Variants in ABRAXAS2 observed in about 807,000 individuals in gnomAD.
The protein encoded by ABRAXAS2 is abraxas 2, BRISC complex subunit.
Under a neutral mutation model 49.0 loss-of-function variants are expected in ABRAXAS2, and 23 were observed. The observed-to-expected ratio is 0.47, with a 90% CI of 0.34 to 0.66. The LOEUF (loss-of-function observed/expected upper bound fraction) is 0.66. ABRAXAS2 is among the 30% of genes least tolerant of loss of function. The pLI is 0.01. For missense variants in ABRAXAS2, 443 were observed against 511.9 expected, an observed-to-expected ratio of 0.87 and a Z score of 1.30; for synonymous variants, 168 against 180.2, an observed-to-expected ratio of 0.93 and a Z score of 0.54.
At position 124,831,464 on chromosome 10, in the gene ABRAXAS2, G is replaced by T. The variant is rs1375487477; in HGVS notation, c.778+1G>T. 1 of 1,487,030 alleles carries T rather than the reference G, an allele frequency of 6.7e-7. No individual in the cohort carries two copies. The highest frequency in any genetic ancestry group is 2.3e-5 in the East Asian group (1 of 44,236). The allele number at this position is 1,487,030 out of a possible 1,614,324, so 92.1% of individuals were successfully genotyped here. The stretch of plus-strand genomic sequence containing the variant: ...AAAAATGAAAAGGAACAAGAAAGAA[G>T]TAAGTTTCTTATTAATTTTACCATT... On this transcript the variant is annotated splice_donor_variant, in intron 8 of 8. Transcript: ENST00000298492. LOFTEE classifies it high-confidence loss of function.
intron 4 of ABRAXAS2, among the ~76,000 whole-genome samples, chr10:124,824,777 G>A (rs935924954): frequency 2.0e-5 from 3 of 152,182 alleles, no homozygotes; most frequent in Non-Finnish European, 4.4e-5. Context: ...ATTCCAAGTA[G>A]GAGTTGGGTA....
intron 8 of ABRAXAS2, among the ~76,000 whole-genome samples, chr10:124,833,725 T>C (rs1373345639): frequency 6.6e-6 from 1 of 152,202 alleles, no homozygotes; most frequent in Non-Finnish European, 1.5e-5. Context: ...TTTTTTCCTT[T>C]CTAAATATTC....
chr10:124,806,969 A>G (rs1480065803), intron 2 of ABRAXAS2, 48 bp downstream of exon 2: 1 of 1,329,118 alleles, frequency 7.5e-7, no homozygotes, highest in Non-Finnish European at 1.1e-6. Context: ...TTGTATATTT[A>G]CTTAATGTTT....
chr10:124,832,189 G>A (rs1950937827), intron 8 of ABRAXAS2, among the ~76,000 whole-genome samples: 1 of 151,954 alleles, frequency 6.6e-6, no homozygotes, highest in African/African-American at 2.4e-5. Context: ...CCTCATAGAG[G>A]AGCTACCAAA....
chr10:124,808,337 G>A (rs1191158264), intron 2 of ABRAXAS2, among the ~76,000 whole-genome samples: 2 of 152,024 alleles, frequency 1.3e-5, no homozygotes, highest in African/African-American at 2.4e-5. Context: ...AACCACGCCC[G>A]GCTAATTTTT....
intron 1 of ABRAXAS2, among the ~76,000 whole-genome samples, chr10:124,805,000 C>T (rs1445542260): frequency 1.3e-5 from 2 of 152,090 alleles, no homozygotes; most frequent in African/African-American, 4.8e-5. Context: ...AAGCAAGAGC[C>T]ACCGTGCCCG....
At position 124,811,965 on chromosome 10, in the gene ABRAXAS2, C is replaced by T. The variant is rs182400626; in HGVS notation, c.164-4611C>T. The stretch of plus-strand genomic sequence containing the variant: ...GCTAATTTTGTATTTTTAGGAGAGA[C>T]GGGGTTTCTCCATGTTGGTTAGGCT... On this transcript the variant is annotated intron_variant, in intron 2 of 8. Coordinates refer to ENST00000298492, the MANE Select transcript of ABRAXAS2 (RefSeq NM_032182.4). Among the ~76,000 whole-genome samples, 94 of 152,096 alleles carry T rather than the reference C, an allele frequency of 6.2e-4. 1 individual carries two copies. The highest frequency in any genetic ancestry group is 1.1e-3 in the Non-Finnish European group (74 of 67,978).
intron 1 of ABRAXAS2, among the ~76,000 whole-genome samples, chr10:124,803,941 A>G (rs1407797810): frequency 6.6e-6 from 1 of 152,204 alleles, no homozygotes; most frequent in African/African-American, 2.4e-5. Context: ...CCGTACATTA[A>G]TAAGCATTAG....
At chr10:124,825,068 T>C (rs1950888344) in intron 4 of ABRAXAS2, among the ~76,000 whole-genome samples, 1 of 152,078 alleles carries the variant, frequency 6.6e-6, no homozygotes, top group Non-Finnish European at 1.5e-5. Flanking sequence ...ATGCCTGTAA[T>C]CCCAGCACTT....
chr10:124,804,553 A>G (rs1950727447), intron 1 of ABRAXAS2, among the ~76,000 whole-genome samples: 1 of 152,060 alleles, frequency 6.6e-6, no homozygotes, highest in South Asian at 2.1e-4. Context: ...TGCTTGTGAC[A>G]AGACAAAACT....
Position 124,831,346 on chromosome 10 carries a change from C to T in ABRAXAS2, c.664-3C>T, listed in dbSNP as rs770705420. ...CTAACCTCGTTGTCATTTTTTTCCT[C>T]AGGCAGTGTGTGCAGATGTTGAAAA... On this transcript the variant is annotated splice_polypyrimidine_tract_variant and splice_region_variant and intron_variant, in intron 7 of 8. Transcript: ENST00000298492. 7 of 1,591,540 alleles carry T rather than the reference C, an allele frequency of 4.4e-6. No individual in the cohort carries two copies. The Admixed American group carries it at 5.1e-5, about 11-fold the overall frequency.
intron 4 of ABRAXAS2, among the ~76,000 whole-genome samples, chr10:124,821,533 A>T (rs537763518): frequency 1.3e-5 from 2 of 149,816 alleles, no homozygotes; most frequent in South Asian, 4.2e-4. Context: ...GCCACTGCAC[A>T]CTCCCACCTG....
intron 4 of ABRAXAS2, among the ~76,000 whole-genome samples, chr10:124,820,666 G>T (rs1335573220): frequency 6.7e-6 from 1 of 150,106 alleles, no homozygotes; most frequent in Non-Finnish European, 1.5e-5. Context: ...ATTTTTAGTA[G>T]AGACAGGGTT....
At chr10:124,814,146 C>T (rs1950808252) in intron 2 of ABRAXAS2, among the ~76,000 whole-genome samples, 1 of 151,960 alleles carries the variant, frequency 6.6e-6, no homozygotes, top group Non-Finnish European at 1.5e-5. Flanking sequence ...CATGCGCCAC[C>T]ATGCCCGGCT....
At chr10:124,809,972 C>T (rs927762244) in intron 2 of ABRAXAS2, among the ~76,000 whole-genome samples, 16 of 152,066 alleles carry the variant, frequency 1.1e-4, no homozygotes, top group African/African-American at 3.4e-4. Context: ...AGGCTGGTCT[C>T]GAACTCTCGA....
chr10:124,826,792 C>G lies in ABRAXAS2; in HGVS notation c.458+7C>G, dbSNP rs1950898870. 1.2e-6 allele frequency: 2 copies of G among 1,612,976 alleles called. No individual in the cohort carries two copies. The highest frequency in any genetic ancestry group is 4.5e-5 in the East Asian group (2 of 44,856). ...TCTTCAGACCAAATAGAAGGTAAAGCTTGCTTTTCCATCTGCCTCACATAT... is the reference window on the plus strand; with the variant it reads ...TCTTCAGACCAAATAGAAGGTAAAGGTTGCTTTTCCATCTGCCTCACATAT... On this transcript the variant is annotated splice_region_variant and intron_variant, in intron 5 of 8. Transcript: ENST00000298492.
At chr10:124,811,143 G>A (rs537690216) in intron 2 of ABRAXAS2, among the ~76,000 whole-genome samples, 31 of 151,932 alleles carry the variant, frequency 2.0e-4, no homozygotes, top group African/African-American at 6.7e-4. Flanking sequence ...CCCGGGATGC[G>A]GAGGTTTCAG....
chr10:124,808,178 CTTT>C (rs553175695), intron 2 of ABRAXAS2, among the ~76,000 whole-genome samples: 1 of 144,814 alleles, frequency 6.9e-6, no homozygotes, highest in Non-Finnish European at 1.5e-5. Context: ...ATGCGGCAAA[CTTT>C]TTTTTTTTTT....
At chr10:124,832,027 A>AT (rs200203447) in intron 8 of ABRAXAS2, among the ~76,000 whole-genome samples, 5,115 of 148,332 alleles carry the variant, frequency 0.034, 125 homozygotes, top group Non-Finnish European at 0.047. Flanking sequence ...TAATTTTTGT[A>AT]TTTTTTTTCT....
Sources: allele counts gnomAD v4.1 joint callset (sites outside exome capture counted in the v4.1 genomes callset), GRCh38; gene constraint gnomAD v4.1.1; transcripts MANE v1.5; gene names NCBI Gene and HGNC (gene_info 2026-07-23, HGNC 2026-07-21).